The following KPNA1 variants were observed in gnomAD, a reference collection of about 807,000 sequenced individuals.
KPNA1 encodes importin subunit alpha-5.
A neutral mutation model predicts 70.5 loss-of-function variants in KPNA1; 10 were observed. That is an observed-to-expected ratio of 0.14 (90% CI 0.09 to 0.24). The LOEUF is 0.24. Ranked by LOEUF, KPNA1 falls within the 10% of genes least tolerant of loss-of-function variation. The pLI is 1.00. For synonymous variants in KPNA1, 192 were observed against 221.9 expected, an observed-to-expected ratio of 0.87 and a Z score of 1.20; for missense variants, 397 against 637.9, an observed-to-expected ratio of 0.62 and a Z score of 4.07.
intron 2 of KPNA1, among the ~76,000 whole-genome samples, chr3:122,472,878 C>A (rs1331533406): frequency 6.6e-6 from 1 of 151,888 alleles, no homozygotes; most frequent in Non-Finnish European, 1.5e-5. Flanking sequence ...ATCAGGAGTT[C>A]AAGACCAGTG....
intron 12 of KPNA1, among the ~76,000 whole-genome samples, chr3:122,429,385 T>C (rs762967294): frequency 2.1e-5 from 3 of 142,038 alleles, no homozygotes; most frequent in African/African-American, 7.9e-5. Flanking sequence ...GAGGCGGAGG[T>C]TGCAGGAGCC....
At chr3:122,451,145 A>G (rs897166278) in intron 8 of KPNA1, among the ~76,000 whole-genome samples, 4 of 147,780 alleles carry the variant, frequency 2.7e-5, no homozygotes, top group African/African-American at 9.9e-5. Flanking sequence ...AACCTATTGG[A>G]AAAAAAAAAA....
intron 5 of KPNA1, among the ~76,000 whole-genome samples, chr3:122,457,331 T>C (rs2076275225): frequency 6.6e-6 from 1 of 151,778 alleles, no homozygotes; most frequent in East Asian, 1.9e-4. Flanking sequence ...AAAGTTATGA[T>C]AGAAACAGCC....
At chr3:122,452,552 G>A (rs373832813) in intron 6 of KPNA1, among the ~76,000 whole-genome samples, 129 of 34,744 alleles carry the variant, frequency 3.7e-3, no homozygotes, top group South Asian at 6.4e-3. Flanking sequence ...GAAGGAGGGA[G>A]GGAGGGAGGG....
At chr3:122,443,029 G>A (rs62271979) in intron 9 of KPNA1, 13,279 of 152,364 alleles carry the variant, frequency 0.087, 736 homozygotes, top group East Asian at 0.16. Context: ...ACAATGGGTC[G>A]GGGGATTTTC....
chr3:122,485,455 CAAA>C (rs11289502), intron 2 of KPNA1, among the ~76,000 whole-genome samples: 12 of 138,988 alleles, frequency 8.6e-5, no homozygotes, highest in Non-Finnish European at 4.7e-5. Context: ...AGCCATATGC[CAAA>C]AAAAAAAAAA....
chr3:122,512,804 T>C (rs1447029944), intron 1 of KPNA1, among the ~76,000 whole-genome samples: 1 of 152,262 alleles, frequency 6.6e-6, no homozygotes, highest in Non-Finnish European at 1.5e-5. Context: ...TATTCTAGGT[T>C]TTCATAAATG....
rs999459590 is a variant in KPNA1, at chr3:122,492,223, G to A, written c.129+4214C>T. 2.0e-5 allele frequency among the ~76,000 whole-genome samples: 3 copies of A among 152,248 alleles called. No individual in the cohort carries two copies. In the South Asian group the frequency reaches 6.2e-4, roughly 32 times the overall value. ...GCTCTGCAAAACAAACACAAGATTT[G>A]TGTCACAGCGTGCCAGTACAACTTT... On this transcript the variant is annotated intron_variant, in intron 2 of 13. Transcript: ENST00000344337.
chr3:122,513,445 T>C (rs938080284), intron 1 of KPNA1, among the ~76,000 whole-genome samples: 2 of 152,222 alleles, frequency 1.3e-5, no homozygotes, highest in African/African-American at 4.8e-5. Context: ...ATCTCTTTGA[T>C]CTTTAAAAAG....
At position 122,505,915 on chromosome 3, in the gene KPNA1, C is replaced by T. The variant is rs1175279016; in HGVS notation, c.-6+8842G>A. ...TCAGACTCTTTGCTCCTCAATTCAT[C>T]CTACACAGCCCTCAGATTAATCTCA... On this transcript the variant is annotated intron_variant, in intron 1 of 13. Coordinates refer to ENST00000344337, the MANE Select transcript of KPNA1 (RefSeq NM_002264.4). 2.6e-5 allele frequency among the ~76,000 whole-genome samples: 4 copies of T among 152,208 alleles called. No individual in the cohort carries two copies. In the East Asian group the frequency reaches 7.7e-4, roughly 29 times the overall value.
chr3:122,493,830 C>T (rs527248688), intron 2 of KPNA1, among the ~76,000 whole-genome samples: 293 of 152,276 alleles, frequency 1.9e-3, no homozygotes, highest in South Asian at 5.0e-3. Context: ...GGTGATCTGC[C>T]CACCCCGGCC....
At chr3:122,489,053 CGTGCGTGTGT>C (rs1306527505) in intron 2 of KPNA1, among the ~76,000 whole-genome samples, 197 of 118,800 alleles carry the variant, frequency 1.7e-3, no homozygotes, top group Non-Finnish European at 2.4e-3. Flanking sequence ...GGTTTTTTTG[CGTGCGTGTGT>C]GTGTGTGTGT....
intron 9 of KPNA1, among the ~76,000 whole-genome samples, 164 bp downstream of exon 9, chr3:122,449,410 C>T (rs1214756912): frequency 6.6e-6 from 1 of 152,094 alleles, no homozygotes; most frequent in Non-Finnish European, 1.5e-5. Flanking sequence ...CTCAATAAAA[C>T]AAGACAAACA....
chr3:122,513,294 C>G (rs1421630011), intron 1 of KPNA1, among the ~76,000 whole-genome samples: 1 of 152,108 alleles, frequency 6.6e-6, no homozygotes, highest in Admixed American at 6.5e-5. Flanking sequence ...TAACACAATA[C>G]CTGAAAAAAG....
At chr3:122,431,312 A>C (rs1183841548) in intron 12 of KPNA1, among the ~76,000 whole-genome samples, 1 of 147,014 alleles carries the variant, frequency 6.8e-6, no homozygotes, top group African/African-American at 2.4e-5. Flanking sequence ...ACTACAGGAG[A>C]ACACCAACAC....
At chr3:122,452,564 G>GGAA (rs1413159244) in intron 6 of KPNA1, among the ~76,000 whole-genome samples, 3 of 30,202 alleles carry the variant, frequency 9.9e-5, no homozygotes, top group Non-Finnish European at 1.9e-4. Context: ...GAGGGAGGGA[G>GGAA]GGAAGGAGGG....
intron 12 of KPNA1, among the ~76,000 whole-genome samples, chr3:122,431,935 C>T (rs991167850): frequency 6.6e-6 from 1 of 151,924 alleles, no homozygotes; most frequent in African/African-American, 2.4e-5. Context: ...CCACAAGTAG[C>T]TGGGATTACG....
intron 1 of KPNA1, among the ~76,000 whole-genome samples, chr3:122,511,599 C>T (rs182774143): frequency 6.6e-5 from 10 of 152,236 alleles, no homozygotes; most frequent in Admixed American, 4.6e-4. Flanking sequence ...CCCTATCTGG[C>T]CCTCAGTTGG....
intron 2 of KPNA1, among the ~76,000 whole-genome samples, chr3:122,481,964 T>A (rs182915000): frequency 9.6e-4 from 147 of 152,382 alleles, no homozygotes; most frequent in Non-Finnish European, 1.5e-3. Flanking sequence ...TAAAAAAGTT[T>A]TTCTTTAGCA....
Sources: allele counts gnomAD v4.1 joint callset (sites outside exome capture counted in the v4.1 genomes callset), GRCh38; gene constraint gnomAD v4.1.1; transcripts MANE v1.5; gene names NCBI Gene and HGNC (gene_info 2026-07-23, HGNC 2026-07-21).